SCHIP1: variants seen among roughly 807,000 people sequenced by gnomAD.
SCHIP1 encodes the protein schwannomin-interacting protein 1.
SCHIP1 carries 8 observed loss-of-function variants against 29.7 expected under a neutral mutation model. The ratio of observed to expected loss-of-function variants is 0.27; its 90% CI spans 0.16 to 0.49. SCHIP1 has a LOEUF of 0.49. SCHIP1 is among the 20% of genes least tolerant of loss of function. The pLI, the probability that SCHIP1 is intolerant of heterozygous loss-of-function variation, is 0.99. For synonymous variants in SCHIP1, 76 were observed against 94.9 expected, an observed-to-expected ratio of 0.80 and a Z score of 1.16; for missense variants, 193 against 294.6, an observed-to-expected ratio of 0.66 and a Z score of 2.52.
the SCHIP1 span, among the ~76,000 whole-genome samples, chr3:159,348,847 C>G: frequency 6.6e-6 from 1 of 152,188 alleles, no homozygotes; most frequent in Non-Finnish European, 1.5e-5. Flanking sequence ...CTATTTTGAA[C>G]TGTCCTGGGG....
At chr3:159,868,004 ATATATATATAAATCAATGATTTT>A (rs1560089708) in intron 2 of SCHIP1, among the ~76,000 whole-genome samples, 3 of 145,214 alleles carry the variant, frequency 2.1e-5, no homozygotes, top group Admixed American at 6.8e-5. Context: ...TCAATGATTT[ATATATATATAAATCAATGATTTT>A]TATATATATA....
the SCHIP1 span, among the ~76,000 whole-genome samples, chr3:159,491,559 G>A: frequency 2.0e-5 from 3 of 152,172 alleles, no homozygotes; most frequent in Admixed American, 6.5e-5. Flanking sequence ...GCTGGGGGAG[G>A]GGCGCCCACC....
chr3:159,386,105 T>C, the SCHIP1 span, among the ~76,000 whole-genome samples: 1 of 152,198 alleles, frequency 6.6e-6, no homozygotes, highest in Non-Finnish European at 1.5e-5. Context: ...TTGATGGGCA[T>C]CTGGGTTGGT....
At chr3:159,364,561 T>G in the SCHIP1 span, among the ~76,000 whole-genome samples, 5 of 152,170 alleles carry the variant, frequency 3.3e-5, no homozygotes, top group Non-Finnish European at 7.3e-5. Flanking sequence ...CAGAAAATAT[T>G]TATAATATTC....
the SCHIP1 span, among the ~76,000 whole-genome samples, chr3:159,550,063 C>T: frequency 8.0e-6 from 1 of 124,362 alleles, no homozygotes; most frequent in Non-Finnish European, 1.8e-5. Flanking sequence ...TTTCTCTTAT[C>T]TTAAGATATC....
chr3:159,539,321 T>A, the SCHIP1 span, among the ~76,000 whole-genome samples: 2 of 89,264 alleles, frequency 2.2e-5, 1 homozygote. Context: ...CAAAGATGCA[T>A]GCAAGAGAGC....
the SCHIP1 span, among the ~76,000 whole-genome samples, chr3:159,391,412 TTTA>T: frequency 6.6e-6 from 1 of 152,130 alleles, no homozygotes; most frequent in Non-Finnish European, 1.5e-5. Context: ...AAGGAAAACC[TTTA>T]GATATCTAGG....
At chr3:159,457,133 G>A in the SCHIP1 span, among the ~76,000 whole-genome samples, 1 of 152,096 alleles carries the variant, frequency 6.6e-6, no homozygotes, top group Admixed American at 6.6e-5. Flanking sequence ...TTTTAAAAAT[G>A]AGAGATAGTG....
the SCHIP1 span, among the ~76,000 whole-genome samples, chr3:159,833,631 A>G: frequency 4.6e-5 from 7 of 152,022 alleles, no homozygotes; most frequent in Non-Finnish European, 7.4e-5. Flanking sequence ...TGTCTCTACA[A>G]TCTCTCCCTT....
chr3:159,783,154 G>C, the SCHIP1 span, among the ~76,000 whole-genome samples: 1 of 152,210 alleles, frequency 6.6e-6, no homozygotes, highest in African/African-American at 2.4e-5. Context: ...ACCTAGCTAG[G>C]ATTTTTTCCC....
At chr3:159,427,370 A>G in the SCHIP1 span, among the ~76,000 whole-genome samples, 2 of 151,776 alleles carry the variant, frequency 1.3e-5, no homozygotes, top group Non-Finnish European at 2.9e-5. Flanking sequence ...TACAAAATCA[A>G]TGTACAAAAA....
chr3:159,826,345 A>G, the SCHIP1 span, among the ~76,000 whole-genome samples: 1 of 152,182 alleles, frequency 6.6e-6, no homozygotes, highest in African/African-American at 2.4e-5. Context: ...TTGTAGTGAC[A>G]GTTCTGCTGC....
the SCHIP1 span, among the ~76,000 whole-genome samples, chr3:159,354,426 T>C: frequency 6.6e-6 from 1 of 152,216 alleles, no homozygotes; most frequent in African/African-American, 2.4e-5. Context: ...CCCTGAATAT[T>C]ATAAAGAGAG....
the SCHIP1 span, among the ~76,000 whole-genome samples, chr3:159,363,477 G>A: frequency 2.6e-5 from 4 of 152,142 alleles, no homozygotes; most frequent in Non-Finnish European, 5.9e-5. Context: ...GCTTTCACAG[G>A]TTGTCTGATC....
chr3:159,336,637 A>G, the SCHIP1 span, among the ~76,000 whole-genome samples: 1 of 152,146 alleles, frequency 6.6e-6, no homozygotes, highest in African/African-American at 2.4e-5. Context: ...CAGGTTTGTC[A>G]AAGATCAGAT....
At chr3:159,807,101 T>G in the SCHIP1 span, among the ~76,000 whole-genome samples, 1 of 152,234 alleles carries the variant, frequency 6.6e-6, no homozygotes, top group East Asian at 1.9e-4. Context: ...TTCACAATTT[T>G]GCTTCAGAGT....
Position 159,888,670 on chromosome 3 carries a change from C to T in SCHIP1, c.466-150C>T, listed in dbSNP as rs2109461351. On this transcript the variant is annotated intron_variant, in intron 4 of 6. Transcript: ENST00000445224. ...GTAATGTAGTGTGGATGTAGGGCCC[C>T]ACATTGGGAAAGACACAGACTGGGA... 4 of 1,173,154 alleles carry T rather than the reference C, an allele frequency of 3.4e-6. No individual in the cohort carries two copies. The South Asian group carries it at 6.7e-5, about 20-fold the overall frequency. The allele number at this position is 1,173,154 out of a possible 1,614,324, so 72.7% of individuals were successfully genotyped here.
the SCHIP1 span, among the ~76,000 whole-genome samples, chr3:159,785,605 G>A: frequency 6.7e-6 from 1 of 150,262 alleles, no homozygotes; most frequent in South Asian, 2.1e-4. Flanking sequence ...TCTGTTGGGA[G>A]ATGGGGAGCC....
chr3:159,288,891 G>A, the SCHIP1 span, among the ~76,000 whole-genome samples: 5 of 152,024 alleles, frequency 3.3e-5, no homozygotes, highest in African/African-American at 7.2e-5. Flanking sequence ...TCCATACACC[G>A]CACCACCTTT....
Sources: gnomAD v4.1 joint callset for allele counts (sites outside exome capture counted in the v4.1 genomes callset) on GRCh38, gnomAD v4.1.1 for gene constraint, MANE v1.5 for transcripts, NCBI Gene and HGNC (gene_info 2026-07-23, HGNC 2026-07-21) for gene names.